Variants in IL1RAPL2 observed in about 807,000 individuals in gnomAD.
IL1RAPL2 encodes X-linked interleukin-1 receptor accessory protein-like 2.
In IL1RAPL2, 3 loss-of-function variants were observed where a neutral mutation model predicts 44.1. The ratio of observed to expected loss-of-function variants is 0.07; its 90% CI spans 0.03 to 0.18. The LOEUF (loss-of-function observed/expected upper bound fraction) is 0.18, where lower values mean the gene tolerates loss of function less well. IL1RAPL2 is among the 10% of genes least tolerant of loss of function. The pLI, the probability that IL1RAPL2 is intolerant of heterozygous loss-of-function variation, is 1.00. For missense variants in IL1RAPL2, 391 were observed against 496.4 expected, an observed-to-expected ratio of 0.79 and a Z score of 2.02; for synonymous variants, 181 against 178.8, an observed-to-expected ratio of 1.01 and a Z score of -0.10.
At chrX:105,202,754 T>C (rs1263809080) in intron 3 of IL1RAPL2, among the ~76,000 whole-genome samples, 1 of 111,469 alleles carries the variant, frequency 9.0e-6, no homozygotes, top group Non-Finnish European at 1.9e-5. Flanking sequence ...TAACCCTTTC[T>C]CCCTTCATCT....
chrX:105,159,438 A>G (rs1424665171), intron 2 of IL1RAPL2, among the ~76,000 whole-genome samples: 1 of 112,379 alleles, frequency 8.9e-6, no homozygotes, highest in Admixed American at 9.4e-5. Flanking sequence ...GAAACAAGGC[A>G]GGGAGACAGA....
chrX:104,630,986 C>G (rs761081847), intron 1 of IL1RAPL2, among the ~76,000 whole-genome samples: 8 of 110,411 alleles, frequency 7.2e-5, no homozygotes, highest in Non-Finnish European at 1.5e-4. Context: ...CTATCCTACC[C>G]CCCTCCCACA....
At chrX:105,256,327 T>C (rs2034314385) in intron 4 of IL1RAPL2, among the ~76,000 whole-genome samples, 1 of 100,358 alleles carries the variant, frequency 1.0e-5, no homozygotes, top group African/African-American at 3.7e-5. Context: ...TTGACACAAT[T>C]TTTTTTCTTT....
At position 105,170,383 on chromosome X, in the gene IL1RAPL2, A is replaced by G. The variant is rs2033413063; in HGVS notation, c.83-25092A>G. ...CCTTATATTAAATATTTCAAATGTTATAAATTATATTACCAATAAGAATAA... is the reference window on the plus strand; with the variant it reads ...CCTTATATTAAATATTTCAAATGTTGTAAATTATATTACCAATAAGAATAA... On this transcript the variant is annotated intron_variant, in intron 2 of 10. Coordinates refer to ENST00000372582, the MANE Select transcript of IL1RAPL2 (RefSeq NM_017416.2). 3.6e-5 allele frequency among the ~76,000 whole-genome samples: 4 copies of G among 111,798 alleles called. No individual in the cohort carries two copies. In the Admixed American group the frequency reaches 3.8e-4, roughly 11 times the overall value.
intron 5 of IL1RAPL2, among the ~76,000 whole-genome samples, chrX:105,279,423 C>A (rs2034511894): frequency 8.9e-6 from 1 of 111,803 alleles, no homozygotes; most frequent in Non-Finnish European, 1.9e-5. Context: ...AAATTATCTG[C>A]TGCACACATT....
chrX:105,703,661 G>A (rs1009710151), intron 6 of IL1RAPL2, among the ~76,000 whole-genome samples: 1 of 111,557 alleles, frequency 9.0e-6, no homozygotes, highest in South Asian at 3.7e-4. Context: ...AGGATGAGAC[G>A]ATGATCTCAA....
At chrX:104,843,683 A>G (rs1921969234) in intron 2 of IL1RAPL2, among the ~76,000 whole-genome samples, 1 of 108,682 alleles carries the variant, frequency 9.2e-6, no homozygotes, top group Non-Finnish European at 1.9e-5. Flanking sequence ...GGGTGAAGTG[A>G]CACCCCATCC....
chrX:104,722,525 T>C lies in IL1RAPL2; in HGVS notation c.82+63530T>C, dbSNP rs773474138. On this transcript the variant is annotated intron_variant, in intron 2 of 10. Coordinates refer to ENST00000372582, the MANE Select transcript of IL1RAPL2 (RefSeq NM_017416.2). Reference sequence around the variant, plus strand: ...TTCCTTTACTTGTAGTGCTCTTATATTGTGGAAGTCAGCTTTATTTTGTGT... The same window carrying C: ...TTCCTTTACTTGTAGTGCTCTTATACTGTGGAAGTCAGCTTTATTTTGTGT... 5.1e-4 allele frequency among the ~76,000 whole-genome samples: 57 copies of C among 111,528 alleles called. 1 individual carries two copies. Among genetic ancestry groups the C allele is most frequent in the African/African-American group, 1.9e-3 (57 of 30,769 alleles).
intron 2 of IL1RAPL2, among the ~76,000 whole-genome samples, chrX:104,840,799 C>T (rs765955554): frequency 1.4e-4 from 15 of 110,133 alleles, no homozygotes; most frequent in South Asian, 4.0e-4. Context: ...CTCAGCCTCC[C>T]GAGTAGCTGG....
chrX:105,697,139 C>T (rs1168612183), intron 6 of IL1RAPL2, among the ~76,000 whole-genome samples: 3 of 110,246 alleles, frequency 2.7e-5, no homozygotes, highest in Non-Finnish European at 3.8e-5. Flanking sequence ...CTCATTACCA[C>T]GAGAATGGCA....
chrX:105,686,515 A>C (rs1182508817), intron 6 of IL1RAPL2, among the ~76,000 whole-genome samples: 2 of 111,090 alleles, frequency 1.8e-5, no homozygotes, highest in African/African-American at 6.6e-5. Flanking sequence ...CAACAAGAAG[A>C]GCTAACTATC....
chrX:105,033,177 A>G (rs1389214121), intron 2 of IL1RAPL2, among the ~76,000 whole-genome samples: 2 of 111,537 alleles, frequency 1.8e-5, no homozygotes, highest in African/African-American at 6.5e-5. Context: ...CTCTTTATCC[A>G]ATTTGCCAGT....
In IL1RAPL2 at chrX:105,188,946, G is replaced by A. The variant is rs183000473; in HGVS notation, c.83-6529G>A. ...AAAGAGGCACAGGTGTAGCAACAGG[G>A]GCACAGGCCACTCACATTTTAGAGA... is the stretch of plus-strand genomic sequence containing the variant. On this transcript the variant is annotated intron_variant, in intron 2 of 10. Transcript: ENST00000372582. Among the ~76,000 whole-genome samples the A allele has an allele frequency of 1.4e-3, 159 of 111,965 alleles. 1 individual carries two copies. The highest frequency in any genetic ancestry group is 5.0e-3 in the African/African-American group (155 of 30,798).
chrX:105,389,517 A>T (rs989513227), intron 5 of IL1RAPL2, among the ~76,000 whole-genome samples: 7 of 111,928 alleles, frequency 6.3e-5, no homozygotes, highest in Non-Finnish European at 1.1e-4. Context: ...TTTCCTCAGA[A>T]TAATTGTGCT....
intron 5 of IL1RAPL2, among the ~76,000 whole-genome samples, chrX:105,423,605 A>G (rs983174882): frequency 9.0e-6 from 1 of 111,598 alleles, no homozygotes; most frequent in African/African-American, 3.3e-5. Flanking sequence ...AAAACCCAAC[A>G]ATATGATCAC....
chrX:105,453,425 A>AT (rs2147762817), intron 5 of IL1RAPL2, among the ~76,000 whole-genome samples: 1 of 112,033 alleles, frequency 8.9e-6, no homozygotes, highest in African/African-American at 3.2e-5. Context: ...AGATTCATTT[A>AT]TTTTTTCTGA....
intron 2 of IL1RAPL2, among the ~76,000 whole-genome samples, chrX:105,069,390 A>G (rs2032178375): frequency 8.9e-6 from 1 of 112,800 alleles, no homozygotes; most frequent in South Asian, 3.6e-4. Context: ...CCTGAAGATA[A>G]TTTCTTTCTA....
intron 6 of IL1RAPL2, among the ~76,000 whole-genome samples, chrX:105,593,301 T>G (rs1040822644): frequency 8.9e-6 from 1 of 112,091 alleles, no homozygotes; most frequent in Non-Finnish European, 1.9e-5. Context: ...TTTTTTAAAA[T>G]GGCTATTTTG....
At chrX:105,164,610 C>T (rs2033356108) in intron 2 of IL1RAPL2, among the ~76,000 whole-genome samples, 1 of 112,055 alleles carries the variant, frequency 8.9e-6, no homozygotes, top group South Asian at 3.7e-4. Context: ...TTCAGGGGCT[C>T]CTGACTTAAC....
Sources: allele counts gnomAD v4.1 joint callset (sites outside exome capture counted in the v4.1 genomes callset), GRCh38; gene constraint gnomAD v4.1.1; transcripts MANE v1.5; gene names NCBI Gene and HGNC (gene_info 2026-07-23, HGNC 2026-07-21).